The following CLEC3B variants were observed in gnomAD, a reference collection of about 807,000 sequenced individuals.
CLEC3B encodes the protein C-type lectin domain family 3 member B, also known as tetranectin.
CLEC3B carries 13 observed loss-of-function variants against 15.4 expected under a neutral mutation model. That is an observed-to-expected ratio of 0.84 (90% CI 0.55 to 1.34). The LOEUF (loss-of-function observed/expected upper bound fraction) is 1.34, where lower values mean the gene tolerates loss of function less well. CLEC3B is among the 40% of genes most tolerant of loss of function. The pLI is 0.00. For synonymous variants in CLEC3B, 112 were observed against 114.7 expected (o/e 0.98, Z 0.15); for missense variants, 242 against 268.6 (o/e 0.90, Z 0.69).
intron 2 of CLEC3B, among the ~76,000 whole-genome samples, chr3:45,031,274 A>G (rs1383429548): frequency 6.6e-6 from 1 of 152,018 alleles, no homozygotes; most frequent in Non-Finnish European, 1.5e-5. Context: ...GTAGTGGCCC[A>G]CCCTAGCAAA....
At chr3:45,034,999 G>A (rs1306179713) in intron 2 of CLEC3B, among the ~76,000 whole-genome samples, 6 of 152,214 alleles carry the variant, frequency 3.9e-5, no homozygotes, top group African/African-American at 1.4e-4. Context: ...GGAGGGGCAT[G>A]GAGGAAGGAG....
chr3:45,034,994 G>A (rs1442917952), intron 2 of CLEC3B, among the ~76,000 whole-genome samples: 1 of 152,220 alleles, frequency 6.6e-6, no homozygotes, highest in Non-Finnish European at 1.5e-5. Context: ...CTTAGGGAGG[G>A]GCATGGAGGA....
Position 45,035,925 on chromosome 3 carries a change from C to T in CLEC3B, c.*1C>T. 1 of 1,582,612 alleles carries T rather than the reference C, an allele frequency of 6.3e-7. No homozygotes were observed. The highest frequency in any genetic ancestry group is 8.6e-7 in the Non-Finnish European group (1 of 1,163,200). On this transcript the variant is annotated 3_prime_UTR_variant, in exon 3 of 3. Transcript: ENST00000296130. ...CATCTGCCAGTTCGGGATCGTGTAG[C>T]CGGCGGGGCGGGGGCCGTGGGGGGC...
intron 1 of CLEC3B, among the ~76,000 whole-genome samples, chr3:45,027,735 A>G (rs1190094585): frequency 2.6e-5 from 4 of 152,160 alleles, no homozygotes; most frequent in African/African-American, 7.2e-5. Flanking sequence ...CAAAATGTTC[A>G]TTTAAAAAGA....
At chr3:45,027,917 A>G (rs1697504817) in intron 1 of CLEC3B, among the ~76,000 whole-genome samples, 1 of 152,004 alleles carries the variant, frequency 6.6e-6, no homozygotes, top group Non-Finnish European at 1.5e-5. Flanking sequence ...TAATTATGTA[A>G]ATCTTTTTAA....
chr3:45,027,216 A>G (rs1247345171), intron 1 of CLEC3B, among the ~76,000 whole-genome samples: 1 of 152,210 alleles, frequency 6.6e-6, no homozygotes, highest in African/African-American at 2.4e-5. Context: ...AGGCTAGAAG[A>G]GAGTCCAAGG....
intron 2 of CLEC3B, among the ~76,000 whole-genome samples, chr3:45,031,138 C>T (rs190304303): frequency 3.9e-5 from 6 of 152,348 alleles, no homozygotes; most frequent in East Asian, 1.9e-4. Context: ...TGGATGTGTA[C>T]GGCCAAATCT....
At chr3:45,030,716 C>T (rs1697541869) in intron 1 of CLEC3B, 111 bp from the exon 2 acceptor site, 3 of 712,910 alleles carry the variant, frequency 4.2e-6, no homozygotes, top group South Asian at 3.7e-5. Context: ...GAGAAAGTTT[C>T]CCAAGATATC....
At position 45,035,989 on chromosome 3, in the gene CLEC3B, G is replaced by T. The variant is rs2125981247; in HGVS notation, c.*65G>T. ...GGGGCCGCGGGAGGCCGGGAGGAGG[G>T]TGGGGACCTTGCAGCCCCCATCCTC... On this transcript the variant is annotated 3_prime_UTR_variant, in exon 3 of 3. Transcript: ENST00000296130. The T allele has an allele frequency of 7.0e-7, 1 of 1,438,362 alleles. No individual in the cohort carries two copies. Among genetic ancestry groups the T allele is most frequent in the Non-Finnish European group, 9.3e-7 (1 of 1,081,066 alleles). The allele number at this position is 1,438,362 out of a possible 1,614,324, so 89.1% of individuals were successfully genotyped here. A position where few individuals can be genotyped will look rare whatever the true frequency, so the allele number is the denominator to read the frequency against.
At chr3:45,032,914 A>G (rs1576045382) in intron 2 of CLEC3B, among the ~76,000 whole-genome samples, 1 of 152,252 alleles carries the variant, frequency 6.6e-6, no homozygotes. Context: ...AGAGTAGCCC[A>G]ACCACATCTG....
intron 2 of CLEC3B, among the ~76,000 whole-genome samples, chr3:45,032,078 G>A (rs1387018685): frequency 6.6e-6 from 1 of 150,714 alleles, no homozygotes; most frequent in Non-Finnish European, 1.5e-5. Flanking sequence ...GCTGCCCCTC[G>A]AGTTATCAGC....
chr3:45,031,087 C>T (rs1302385862), intron 2 of CLEC3B, among the ~76,000 whole-genome samples, 162 bp downstream of exon 2: 15 of 152,254 alleles, frequency 9.9e-5, no homozygotes. Flanking sequence ...CCACCTCTTT[C>T]TCTTGGGGAG....
chr3:45,031,767 C>A (rs17377233), intron 2 of CLEC3B, among the ~76,000 whole-genome samples: 34,962 of 152,036 alleles, frequency 0.23, 5,746 homozygotes, highest in East Asian at 0.77. Flanking sequence ...GATTTACCTA[C>A]CTTTATATGA....
At position 45,031,032 on chromosome 3, in the gene CLEC3B, C is replaced by CGAG. The variant is rs112774238; in HGVS notation, c.208+107_208+108insGAG. 6,272 of 755,780 alleles carry CGAG rather than the reference C, an allele frequency of 8.3e-3. 234 individuals are homozygous for CGAG. The African/African-American group carries it at 0.083, about 10-fold the overall frequency. 46.8% of individuals were successfully genotyped at this position (755,780 alleles called of 1,614,324 possible). On this transcript the variant is annotated intron_variant, in intron 2 of 2. Coordinates refer to ENST00000296130, the MANE Select transcript of CLEC3B (RefSeq NM_003278.3). Reference sequence around the variant, plus strand: ...TCCGTTCAGCATCAGGGTCCTGGCTCCATTAGTCCAGGCCTATGGGTGAAG... The same window carrying CGAG: ...TCCGTTCAGCATCAGGGTCCTGGCTCGAGCATTAGTCCAGGCCTATGGGTGAAG...
chr3:45,030,234 T>C (rs1239865377), intron 1 of CLEC3B: 2 of 985,958 alleles, frequency 2.0e-6, no homozygotes, highest in Non-Finnish European at 1.2e-6. Flanking sequence ...AGCCAAGCAC[T>C]GAGGTAGGCA....
intron 2 of CLEC3B, chr3:45,034,572 CAGG>C (rs1437663156): frequency 2.6e-5 from 4 of 152,222 alleles, no homozygotes; most frequent in Admixed American, 6.5e-5. Context: ...TATACGATCT[CAGG>C]AGAAATCAGA....
At chr3:45,029,814 G>A (rs1697530224) in intron 1 of CLEC3B, among the ~76,000 whole-genome samples, 1 of 152,082 alleles carries the variant, frequency 6.6e-6, no homozygotes, top group Non-Finnish European at 1.5e-5. Context: ...TATGCTTCCC[G>A]GCACCCTCAA....
intron 1 of CLEC3B, among the ~76,000 whole-genome samples, chr3:45,027,408 A>G (rs1697498772): frequency 6.6e-6 from 1 of 152,254 alleles, no homozygotes; most frequent in South Asian, 2.1e-4. Flanking sequence ...GGGCCTCACA[A>G]CACTGTGACA....
At chr3:45,033,707 C>G (rs1251279922) in intron 2 of CLEC3B, among the ~76,000 whole-genome samples, 1 of 152,176 alleles carries the variant, frequency 6.6e-6, no homozygotes, top group Non-Finnish European at 1.5e-5. Flanking sequence ...CATAAATCGA[C>G]AGGATCATGA....
Sources: allele counts gnomAD v4.1 joint callset (sites outside exome capture counted in the v4.1 genomes callset), GRCh38; gene constraint gnomAD v4.1.1; transcripts MANE v1.5; gene names NCBI Gene and HGNC (gene_info 2026-07-23, HGNC 2026-07-21).